Variants in C9 observed in about 807,000 individuals in gnomAD.
C9 encodes the protein complement component C9.
In C9, 63 loss-of-function variants were observed where a neutral mutation model predicts 65.4. The ratio of observed to expected loss-of-function variants is 0.96; its 90% confidence interval spans 0.79 to 1.19. C9 has a LOEUF of 1.19. Among genes scored for constraint, C9 ranks in the 50% most tolerant of loss-of-function variants. The probability of loss-of-function intolerance (pLI) is 0.00; values close to 1 mark genes in which losing one functional copy is unlikely to be tolerated. For synonymous variants in C9, 229 were observed against 227.9 expected, an observed-to-expected ratio of 1.00 and a Z score of -0.04; for missense variants, 744 against 670.1, an observed-to-expected ratio of 1.11 and a Z score of -1.22.
intron 8 of C9, 121 bp downstream of exon 8, chr5:39,308,109 T>A (rs915941194): frequency 1.1e-6 from 1 of 933,522 alleles, no homozygotes; most frequent in Non-Finnish European, 1.8e-6. Context: ...CCGCTTTAAA[T>A]GTAAGATAGT....
At chr5:39,334,159 G>A (rs1484976290) in intron 4 of C9, among the ~76,000 whole-genome samples, 1 of 151,136 alleles carries the variant, frequency 6.6e-6, no homozygotes, top group African/African-American at 2.4e-5. Context: ...TCCCACCTAG[G>A]AAGTGAGGAG....
intron 5 of C9, 77 bp downstream of exon 5, chr5:39,331,599 A>G (rs2111928981): frequency 1.7e-6 from 2 of 1,199,358 alleles, no homozygotes; most frequent in Non-Finnish European, 2.5e-6. Flanking sequence ...AGTTTTTCAC[A>G]TTGTTTGGTA....
At chr5:39,359,672 G>A (rs894689752) in intron 1 of C9, among the ~76,000 whole-genome samples, 10 of 152,150 alleles carry the variant, frequency 6.6e-5, no homozygotes, top group Non-Finnish European at 1.2e-4. Flanking sequence ...GCTCGATTAG[G>A]CTAGAGCAGA....
At chr5:39,341,112 T>C (rs1754068524) in intron 4 of C9, 34 bp downstream of exon 4, 2 of 1,612,078 alleles carry the variant, frequency 1.2e-6, no homozygotes, top group Non-Finnish European at 1.7e-6. Context: ...TTTTCACTCA[T>C]TTTCATCTGA....
At chr5:39,334,004 C>T in intron 4 of C9, among the ~76,000 whole-genome samples, 1 of 152,184 alleles carries the variant, frequency 6.6e-6, no homozygotes, top group Non-Finnish European at 1.5e-5. Context: ...CCCCAAAGTG[C>T]CGAGATTGCA....
chr5:39,347,318 G>C (rs904565761), intron 1 of C9, among the ~76,000 whole-genome samples: 4 of 152,164 alleles, frequency 2.6e-5, no homozygotes, highest in African/African-American at 9.7e-5. Context: ...AGCAACTTCA[G>C]CAAAGTCTCA....
intron 5 of C9, among the ~76,000 whole-genome samples, chr5:39,323,679 A>G (rs2111913041): frequency 6.6e-6 from 1 of 152,108 alleles, no homozygotes. Context: ...TCTCGACATA[A>G]TAAAGGCCAT....
chr5:39,308,185 C>T, intron 8 of C9, 45 bp downstream of exon 8: 1 of 1,577,664 alleles, frequency 6.3e-7, no homozygotes, highest in Non-Finnish European at 8.7e-7. Context: ...TCATTGACAT[C>T]TACCCTCAGG....
intron 1 of C9, among the ~76,000 whole-genome samples, chr5:39,355,134 A>G (rs540976376): frequency 6.6e-6 from 1 of 152,334 alleles, no homozygotes; most frequent in South Asian, 2.1e-4. Flanking sequence ...CCTTGGTTCC[A>G]GAAACCTCAT....
In C9 at chr5:39,292,017, G is replaced by A. The variant is rs1753106040; in HGVS notation, c.1417-3066C>T. Among the ~76,000 whole-genome samples, 5 of 151,754 alleles carry A rather than the reference G, an allele frequency of 3.3e-5. No individual in the cohort carries two copies. The Admixed American group carries it at 3.3e-4, about 10-fold the overall frequency. On this transcript the variant is annotated intron_variant, in intron 9 of 10. Coordinates refer to ENST00000263408, the MANE Select transcript of C9 (RefSeq NM_001737.5). ...GAAAAAAGTGAAGAGGTTATAAGAA[G>A]GGGTTGAGAGGGGGAGAGAAAGAGA...
rs34882957 is a variant in C9, at chr5:39,331,792, G to A, written c.499C>T (p.Pro167Ser). The change falls in exon 5 of 11, where the codon CCC becomes TCC. Residue 167 changes from proline (P) to serine (S), a missense_variant. Pro to Ser is a moderately conservative substitution (Grantham distance 74). Transcript: ENST00000263408. ...TCATTGTCAAAAGGTGTGCTTAGGG[G>A]ATCCATCCCTAAAATGTTGATCCTG... The part of the protein sequence containing the change: ...GYGINILGMD[P>S]LSTPFDNEFY... 12,404 of 1,612,936 alleles carry A rather than the reference G, an allele frequency of 7.7e-3. 66 individuals are homozygous for A. Among genetic ancestry groups the A allele is most frequent in the Non-Finnish European group, 9.5e-3 (11,194 of 1,178,926 alleles).
rs772151539 is a variant in C9 at position 39,341,309 on chromosome 5, G to A, written c.329-16C>T. 3 of 1,613,572 alleles carry A rather than the reference G, an allele frequency of 1.9e-6. No individual in the cohort carries two copies. The highest frequency in any genetic ancestry group is 2.5e-6 in the Non-Finnish European group (3 of 1,179,586). ...ATGCATCTGCCTGCAATCAAAATCAGGAGAGACTCAATGTATCTAATGTCA... is the reference window on the plus strand; with the variant it reads ...ATGCATCTGCCTGCAATCAAAATCAAGAGAGACTCAATGTATCTAATGTCA... On this transcript the variant is annotated splice_polypyrimidine_tract_variant and intron_variant, in intron 3 of 10. Coordinates refer to ENST00000263408, the MANE Select transcript of C9 (RefSeq NM_001737.5).
chr5:39,326,405 A>AT (rs1222917674), intron 5 of C9, among the ~76,000 whole-genome samples: 3 of 152,180 alleles, frequency 2.0e-5, no homozygotes, highest in African/African-American at 7.2e-5. Flanking sequence ...ACAGACCCAG[A>AT]TTAGCCTTTT....
intron 9 of C9, among the ~76,000 whole-genome samples, chr5:39,289,426 T>C (rs1310341133): frequency 2.8e-5 from 4 of 143,164 alleles, no homozygotes; most frequent in African/African-American, 9.9e-5. Context: ...GCAACCTTTT[T>C]CTAATTTCTT....
In C9 at chr5:39,345,922, T is replaced by A. The variant is rs1097213; in HGVS notation, c.78-3726A>T. On this transcript the variant is annotated intron_variant, in intron 1 of 10. Transcript: ENST00000263408. ...GAACAACCTGCTTCTGAATGACTAC[T>A]GGGTACATAACGAAATGAAGCCAGA... Among the ~76,000 whole-genome samples the A allele has an allele frequency of 1.6e-3, 243 of 152,304 alleles. 1 individual carries two copies. The highest frequency in any genetic ancestry group is 5.4e-3 in the African/African-American group (224 of 41,556).
At chr5:39,322,988 T>C (rs1384990802) in intron 5 of C9, among the ~76,000 whole-genome samples, 2 of 152,032 alleles carry the variant, frequency 1.3e-5, no homozygotes. Flanking sequence ...GGGACAGCTG[T>C]ACAACTGATA....
At position 39,315,994 on chromosome 5, in the gene C9, G is replaced by A. The variant is rs141625765; in HGVS notation, c.651C>T (p.Tyr217=). The part of the protein sequence containing the change: ...KGEKNFRTEH[Y]EEQIEAFKSI... Reference sequence around the variant, plus strand: ...TTTTAAATGCTTCAATTTGTTCTTCGTAATGTTCGGTTCTGAAATTTTTCT... The same window carrying A: ...TTTTAAATGCTTCAATTTGTTCTTCATAATGTTCGGTTCTGAAATTTTTCT... Residue 217 remains tyrosine (Y), a synonymous_variant, in exon 6 of 11, where the codon TAC becomes TAT. Coordinates refer to ENST00000263408, the MANE Select transcript of C9 (RefSeq NM_001737.5). 33 of 1,611,848 alleles carry A rather than the reference G, an allele frequency of 2.0e-5. No individual in the cohort carries two copies. The highest frequency in any genetic ancestry group is 3.3e-4 in the Middle Eastern group (2 of 6,072).
At chr5:39,344,665 C>T (rs1471935320) in intron 1 of C9, among the ~76,000 whole-genome samples, 1 of 152,090 alleles carries the variant, frequency 6.6e-6, no homozygotes, top group African/African-American at 2.4e-5. Flanking sequence ...TCAGGAAATA[C>T]AGAGAATGCC....
rs777986322 is a variant in C9, at chr5:39,285,195, A to C, written c.*4T>G. The C allele has an allele frequency of 2.5e-6, 4 of 1,612,428 alleles. No homozygotes were observed. The highest frequency in any genetic ancestry group is 3.3e-5 in the Admixed American group (2 of 59,948). On this transcript the variant is annotated 3_prime_UTR_variant, in exon 11 of 11. Coordinates refer to ENST00000263408, the MANE Select transcript of C9 (RefSeq NM_001737.5). Reference sequence around the variant, plus strand: ...TCCACTGGAGCTCAGAGAAGCCAACAGCTCTATTTTTCATTGGGGAACTCT... The same window carrying C: ...TCCACTGGAGCTCAGAGAAGCCAACCGCTCTATTTTTCATTGGGGAACTCT...
Sources: allele counts gnomAD v4.1 joint callset (sites outside exome capture counted in the v4.1 genomes callset), GRCh38; gene constraint gnomAD v4.1.1; transcripts MANE v1.5; gene names NCBI Gene and HGNC (gene_info 2026-07-23, HGNC 2026-07-21).